PKNOX2: variants seen among roughly 807,000 people sequenced by gnomAD.
PKNOX2 encodes homeobox protein PKNOX2.
Under a neutral mutation model 53.1 loss-of-function variants are expected in PKNOX2, and 14 were observed. That is an observed-to-expected ratio of 0.26 (90% CI 0.17 to 0.41). The LOEUF (loss-of-function observed/expected upper bound fraction) is 0.41, where lower values mean the gene tolerates loss of function less well. Ranked by LOEUF, PKNOX2 falls within the 10% of genes least tolerant of loss-of-function variation. The probability of loss-of-function intolerance (pLI) is 1.00; values close to 1 mark genes in which losing one functional copy is unlikely to be tolerated. For missense variants in PKNOX2, 496 were observed against 602.8 expected (o/e 0.82, Z 1.85); for synonymous variants, 257 against 242.8 (o/e 1.06, Z -0.54).
chr11:125,170,507 G>A (rs1486805069), intron 1 of PKNOX2, among the ~76,000 whole-genome samples: 2 of 152,130 alleles, frequency 1.3e-5, no homozygotes, highest in South Asian at 2.1e-4. Context: ...CAGGAGAGAG[G>A]GAGAAGCAAG....
chr11:125,366,297 GA>G (rs1211429340), intron 4 of PKNOX2, among the ~76,000 whole-genome samples: 1 of 152,182 alleles, frequency 6.6e-6, no homozygotes, highest in Non-Finnish European at 1.5e-5. Context: ...ACTGAGATTG[GA>G]AAGGCTCCCC....
At chr11:125,342,080 G>A (rs1346553009) in intron 3 of PKNOX2, among the ~76,000 whole-genome samples, 1 of 152,236 alleles carries the variant, frequency 6.6e-6, no homozygotes, top group Non-Finnish European at 1.5e-5. Context: ...CACGTTGGCT[G>A]GGTATGAGCG....
intron 1 of PKNOX2, among the ~76,000 whole-genome samples, chr11:125,220,291 CT>C (rs1386583790): frequency 6.6e-6 from 1 of 152,116 alleles, no homozygotes; most frequent in Non-Finnish European, 1.5e-5. Context: ...TCCATATTAC[CT>C]TTTTAAAAGC....
chr11:125,350,803 G>T (rs575783467), intron 3 of PKNOX2, among the ~76,000 whole-genome samples: 1 of 152,162 alleles, frequency 6.6e-6, no homozygotes, highest in Non-Finnish European at 1.5e-5. Flanking sequence ...CTGGAATCCC[G>T]TAGCTGGCCT....
chr11:125,395,984 C>T (rs530362775), intron 6 of PKNOX2, among the ~76,000 whole-genome samples: 4 of 145,596 alleles, frequency 2.7e-5, no homozygotes, highest in South Asian at 4.3e-4. Context: ...GATGGAGTTG[C>T]GCTCTGTCGC....
At chr11:125,260,942 T>C (rs1944798556) in intron 2 of PKNOX2, among the ~76,000 whole-genome samples, 5 of 152,202 alleles carry the variant, frequency 3.3e-5, no homozygotes, top group Admixed American at 3.3e-4. Flanking sequence ...CTGACTTTGC[T>C]ACTTTCTGCT....
chr11:125,304,512 C>T (rs896547310), intron 2 of PKNOX2, among the ~76,000 whole-genome samples: 10 of 152,220 alleles, frequency 6.6e-5, no homozygotes, highest in African/African-American at 9.6e-5. Flanking sequence ...GCTCCCAGCC[C>T]GCTGCCTGGT....
Position 125,226,045 on chromosome 11 carries a change from A to G in PKNOX2, c.-200-9000A>G, listed in dbSNP as rs573215826. Among the ~76,000 whole-genome samples, 7 of 152,380 alleles carry G rather than the reference A, an allele frequency of 4.6e-5. No individual in the cohort carries two copies. In the South Asian group the frequency reaches 1.4e-3, roughly 32 times the overall value. On this transcript the variant is annotated intron_variant, in intron 1 of 12. Transcript: ENST00000298282. ...TTGCCTCCTCCTTTCTGCCTGCTGC[A>G]GAATTTCTCTTGCTTCCTGTGAACC...
At chr11:125,379,064 T>C (rs893032238) in intron 5 of PKNOX2, among the ~76,000 whole-genome samples, 2 of 150,886 alleles carry the variant, frequency 1.3e-5, no homozygotes, top group African/African-American at 2.4e-5. Context: ...TCTTTTTTTT[T>C]TTTTTTTATT....
rs1951297911 is a variant in PKNOX2, at chr11:125,351,302, T to C, written c.-4T>C. 4 of 1,593,972 alleles carry C rather than the reference T, an allele frequency of 2.5e-6. No homozygotes were observed. The highest frequency in any genetic ancestry group is 3.4e-6 in the Non-Finnish European group (4 of 1,164,200). The stretch of plus-strand genomic sequence containing the variant: ...CCCACAGGTCCTCCATGTGAATCAA[T>C]CCCATGATGCAACATGCCTCCCCAG... On this transcript the variant is annotated 5_prime_UTR_variant, in exon 4 of 13. Coordinates refer to ENST00000298282, the MANE Select transcript of PKNOX2 (RefSeq NM_001382323.2).
At chr11:125,279,330 C>T (rs1457052946) in intron 2 of PKNOX2, among the ~76,000 whole-genome samples, 1 of 152,220 alleles carries the variant, frequency 6.6e-6, no homozygotes, top group Non-Finnish European at 1.5e-5. Flanking sequence ...CTACCCTGCA[C>T]TCAGCCCTGC....
intron 2 of PKNOX2, among the ~76,000 whole-genome samples, chr11:125,286,048 C>T (rs978583033): frequency 1.3e-5 from 2 of 152,086 alleles, no homozygotes; most frequent in East Asian, 3.8e-4. Context: ...GTGTGTAGGG[C>T]GTAAGTGAGA....
intron 2 of PKNOX2, among the ~76,000 whole-genome samples, chr11:125,331,423 T>A (rs1208743688): frequency 9.6e-5 from 14 of 145,788 alleles, no homozygotes; most frequent in African/African-American, 3.5e-4. Flanking sequence ...CTGGCAAATC[T>A]ACCACTGTCC....
At chr11:125,323,672 C>T (rs1391413982) in intron 2 of PKNOX2, among the ~76,000 whole-genome samples, 3 of 152,162 alleles carry the variant, frequency 2.0e-5, no homozygotes, top group Admixed American at 6.5e-5. Flanking sequence ...TGGGGAAAAT[C>T]GCAATTTCTC....
At position 125,433,191 on chromosome 11, in the gene PKNOX2, CAG is replaced by C. The variant is rs1428891718; in HGVS notation, c.*1801_*1802del. 6.5e-6 allele frequency: 1 copy of C among 152,674 alleles called. No individual in the cohort carries two copies. The highest frequency in any genetic ancestry group is 1.5e-5 in the Non-Finnish European group (1 of 68,040). The allele number at this position is 152,674 out of a possible 1,614,324, so 9.5% of individuals were successfully genotyped here. A position where few individuals can be genotyped will look rare whatever the true frequency, so the allele number is the denominator to read the frequency against. On this transcript the variant is annotated 3_prime_UTR_variant, in exon 13 of 13. Coordinates refer to ENST00000298282, the MANE Select transcript of PKNOX2 (RefSeq NM_001382323.2). ...CGTTTTTCTTGTTAACACGCGCACA[CAG>C]ACACACACACACACCGTTCCACTCA...
rs1004628342 is a variant in PKNOX2, at chr11:125,257,419, G to A, written c.-130+22304G>A. 4.6e-5 allele frequency among the ~76,000 whole-genome samples: 7 copies of A among 152,182 alleles called. No individual in the cohort carries two copies. In the East Asian group the frequency reaches 1.3e-3, roughly 29 times the overall value. ...CCAAAGAAGCCAAGTGCAGGGGCTG[G>A]CCAGTGAGCTGGAGGCTGTTTTCAA... On this transcript the variant is annotated intron_variant, in intron 2 of 12. Coordinates refer to ENST00000298282, the MANE Select transcript of PKNOX2 (RefSeq NM_001382323.2).
At chr11:125,192,475 T>A (rs1308212067) in intron 1 of PKNOX2, among the ~76,000 whole-genome samples, 2 of 152,196 alleles carry the variant, frequency 1.3e-5, no homozygotes, top group Non-Finnish European at 2.9e-5. Flanking sequence ...AATGATGTCC[T>A]TTAACCTGAC....
Position 125,253,507 on chromosome 11 carries a change from G to T in PKNOX2, c.-130+18392G>T, listed in dbSNP as rs1944166302. On this transcript the variant is annotated intron_variant, in intron 2 of 12. Coordinates refer to ENST00000298282, the MANE Select transcript of PKNOX2 (RefSeq NM_001382323.2). The stretch of plus-strand genomic sequence containing the variant: ...CTCCTCATGTGCACGTGTCCTTCAG[G>T]GTCCCGTGCAAATGCCACCGATGGT... Among the ~76,000 whole-genome samples, 3 of 151,990 alleles carry T rather than the reference G, an allele frequency of 2.0e-5. No individual in the cohort carries two copies. In the South Asian group the frequency reaches 6.2e-4, roughly 32 times the overall value.
chr11:125,205,392 T>A (rs7111751), intron 1 of PKNOX2, among the ~76,000 whole-genome samples: 30,597 of 152,150 alleles, frequency 0.2, 3,180 homozygotes, highest in African/African-American at 0.25. Context: ...ATGCAGCACA[T>A]TCCTCAGTGT....
Sources: gnomAD v4.1 joint callset for allele counts (sites outside exome capture counted in the v4.1 genomes callset) on GRCh38, gnomAD v4.1.1 for gene constraint, MANE v1.5 for transcripts, NCBI Gene and HGNC (gene_info 2026-07-23, HGNC 2026-07-21) for gene names.